The following RB1 variants were observed in gnomAD, a reference collection of about 807,000 sequenced individuals.
RB1 encodes RB transcriptional corepressor 1.
RB1 carries 18 observed loss-of-function variants against 135.4 expected under a neutral mutation model. That is an observed-to-expected ratio of 0.13 (90% CI 0.09 to 0.20). RB1 has a LOEUF of 0.20. Ranked by LOEUF, RB1 falls within the 10% of genes least tolerant of loss-of-function variation. The pLI is 1.00. For missense variants in RB1, 868 were observed against 1,110.0 expected (o/e 0.78, Z 3.10); for synonymous variants, 365 against 373.2 (o/e 0.98, Z 0.25).
At chr13:48,307,591 A>C (rs1052491879) in intron 2 of RB1, among the ~76,000 whole-genome samples, 185 bp downstream of exon 2, 4 of 151,822 alleles carry the variant, frequency 2.6e-5, no homozygotes, top group Non-Finnish European at 5.9e-5. Flanking sequence ...ACGGTGGTTC[A>C]TGCCTGTAAT....
chr13:48,465,168 A>T (rs1162503486), intron 22 of RB1, 37 bp from the exon 23 acceptor site: 1 of 1,613,600 alleles, frequency 6.2e-7, no homozygotes, highest in South Asian at 1.1e-5. Flanking sequence ...CCACCAAAAC[A>T]TTAAATAAAT....
intron 4 of RB1, 94 bp downstream of exon 4, chr13:48,345,293 TAGTA>T (rs1159014468): frequency 5.8e-6 from 8 of 1,378,694 alleles, no homozygotes; most frequent in Middle Eastern, 4.7e-4. Flanking sequence ...TTAGTAAAGT[TAGTA>T]AGTATTAATT....
intron 20 of RB1, 53 bp downstream of exon 20, chr13:48,459,886 A>ATTGAT (rs11405303): frequency 1.0e-6 from 1 of 987,324 alleles, no homozygotes; most frequent in East Asian, 3.7e-5. Context: ...TTGTTAACTG[A>ATTGAT]TTCTTTCTTT....
chr13:48,367,404 C>T, intron 9 of RB1, 90 bp from the exon 10 acceptor site: 7 of 1,398,008 alleles, frequency 5.0e-6, no homozygotes, highest in East Asian at 5.0e-5. Context: ...GTATATTATA[C>T]AAAAATTCTT....
chr13:48,356,940 A>G (rs1468350265), intron 6 of RB1, among the ~76,000 whole-genome samples: 1 of 152,016 alleles, frequency 6.6e-6, no homozygotes, highest in East Asian at 1.9e-4. Flanking sequence ...CCTCAGGACA[A>G]TATTTTCTGG....
rs1251503080 is a variant in RB1 at position 48,347,830 on chromosome 13, G to A, written c.506G>A (p.Cys169Tyr). The change falls in exon 5 of 27, where the codon TGT (cysteine) becomes TAT (tyrosine). Residue 169 changes from cysteine to tyrosine, a missense_variant. This residue lies in a region of RB1 where 641 missense variants were observed against 791.3 expected (regional missense o/e 0.81). Coordinates refer to ENST00000267163, the MANE Select transcript of RB1 (RefSeq NM_000321.3). ...CATAATGTTTTTCTTTTCAGGACAT[G>A]TGAACTTATATATTTGACACAACCC... is the stretch of plus-strand genomic sequence containing the variant. ...FALFSKLERTCELIYLTQPSS... is the reference protein window; with the variant it reads ...FALFSKLERTYELIYLTQPSS... 9.4e-6 allele frequency: 15 copies of A among 1,591,402 alleles called. No individual in the cohort carries two copies. The highest frequency in any genetic ancestry group is 8.6e-6 in the Non-Finnish European group (10 of 1,160,896).
At chr13:48,445,747 T>C (rs1949281820) in intron 17 of RB1, among the ~76,000 whole-genome samples, 1 of 152,168 alleles carries the variant, frequency 6.6e-6, no homozygotes, top group African/African-American at 2.4e-5. Flanking sequence ...GTGTGCCTCT[T>C]CTCACCAGAC....
intron 20 of RB1, among the ~76,000 whole-genome samples, chr13:48,460,227 C>T (rs906577286): frequency 1.3e-5 from 2 of 151,924 alleles, no homozygotes; most frequent in African/African-American, 4.8e-5. Flanking sequence ...CCTAAGGCCT[C>T]CCAAAGTGTT....
chr13:48,465,947 T>A (rs1282402791), intron 23 of RB1, among the ~76,000 whole-genome samples: 5 of 147,718 alleles, frequency 3.4e-5, no homozygotes, highest in South Asian at 2.3e-4. Flanking sequence ...CAGCAGTCTG[T>A]GATCAAACTG....
rs1593437266 is a variant in RB1, at chr13:48,347,816, T to C, written c.501-9T>C. 2.5e-6 allele frequency: 4 copies of C among 1,575,912 alleles called. No homozygotes were observed. The highest frequency in any genetic ancestry group is 3.5e-6 in the Non-Finnish European group (4 of 1,147,394). ...AAATGTTAAAAAGTCATAATGTTTTTCTTTTCAGGACATGTGAACTTATAT... is the reference window on the plus strand; with the variant it reads ...AAATGTTAAAAAGTCATAATGTTTTCCTTTTCAGGACATGTGAACTTATAT... On this transcript the variant is annotated splice_polypyrimidine_tract_variant and intron_variant, in intron 4 of 26. Coordinates refer to ENST00000267163, the MANE Select transcript of RB1 (RefSeq NM_000321.3).
rs912210738 is a variant in RB1 at position 48,415,272 on chromosome 13, CTTTTCT to C, written c.1695+33844_1695+33849del. ...TCATTCATCTATAGTTTTTTCTTTT[CTTTTCT>C]TTTTCTTTTTCTTTCTTTCTTTTTT... On this transcript the variant is annotated intron_variant, in intron 17 of 26. Transcript: ENST00000267163. Among the ~76,000 whole-genome samples the C allele has an allele frequency of 5.9e-5, 9 of 151,436 alleles. No homozygotes were observed. In the South Asian group the frequency reaches 1.3e-3, roughly 21 times the overall value.
At position 48,303,840 on chromosome 13, in the gene RB1, C is replaced by T. The variant is rs2138026578; in HGVS notation, c.-73C>T. ...GGGAGTCGGGAGAGGACGGGGCGTG[C>T]CCCGACGTGCGCGCGCGTCGTCCTC... On this transcript the variant is annotated 5_prime_UTR_variant, in exon 1 of 27. Transcript: ENST00000267163. The T allele has an allele frequency of 6.7e-7, 1 of 1,493,630 alleles. No individual in the cohort carries two copies. Among genetic ancestry groups the T allele is most frequent in the African/African-American group, 1.5e-5 (1 of 68,606 alleles). The allele number at this position is 1,493,630 out of a possible 1,614,324, so 92.5% of individuals were successfully genotyped here.
In RB1 at chr13:48,478,504, C is replaced by T. The variant is rs533674384; in HGVS notation, c.2713+1100C>T. On this transcript the variant is annotated intron_variant, in intron 26 of 26. Coordinates refer to ENST00000267163, the MANE Select transcript of RB1 (RefSeq NM_000321.3). The stretch of plus-strand genomic sequence containing the variant: ...GAAGACATATGGAAACATTTTGGAA[C>T]CCACAAATATGCACTTAAAAAGGAG... 1.6e-3 allele frequency among the ~76,000 whole-genome samples: 238 copies of T among 152,232 alleles called. 2 individuals carry two copies. The highest frequency in any genetic ancestry group is 5.4e-3 in the African/African-American group (225 of 41,532).
chr13:48,320,716 A>C (rs1443511556), intron 2 of RB1, among the ~76,000 whole-genome samples: 1 of 152,078 alleles, frequency 6.6e-6, no homozygotes, highest in Non-Finnish European at 1.5e-5. Context: ...CTGTAGTCCC[A>C]GCTACTCGTG....
chr13:48,379,564 G>T (rs755188599), intron 13 of RB1, 30 bp from the exon 14 acceptor site: 4 of 1,604,834 alleles, frequency 2.5e-6, no homozygotes, highest in Non-Finnish European at 3.4e-6. Context: ...AAAATAGCAG[G>T]CTCTTATTTT....
At position 48,307,516 on chromosome 13, in the gene RB1, A is replaced by G. The variant is rs192264078; in HGVS notation, c.264+110A>G. 6.9e-5 allele frequency: 81 copies of G among 1,174,588 alleles called. 1 individual carries two copies. In the East Asian group the frequency reaches 2.0e-3, roughly 28 times the overall value. 72.8% of individuals were successfully genotyped at this position (1,174,588 alleles called of 1,614,324 possible). On this transcript the variant is annotated intron_variant, in intron 2 of 26. Coordinates refer to ENST00000267163, the MANE Select transcript of RB1 (RefSeq NM_000321.3). Reference sequence around the variant, plus strand: ...GAAAAATATAAAGACAATAAAAGCTAATAATAATTCCATTACCCAGAGGAA... The same window carrying G: ...GAAAAATATAAAGACAATAAAAGCTGATAATAATTCCATTACCCAGAGGAA...
At chr13:48,426,769 ATGT>A (rs1949085411) in intron 17 of RB1, 1 of 151,916 alleles carries the variant, frequency 6.6e-6, no homozygotes, top group African/African-American at 2.4e-5. Context: ...TTTCTTACTG[ATGT>A]TGTGCTAGTT....
chr13:48,481,643 A>C lies in RB1; in HGVS notation c.*1572A>C, dbSNP rs1949539011. On this transcript the variant is annotated 3_prime_UTR_variant, in exon 27 of 27. Coordinates refer to ENST00000267163, the MANE Select transcript of RB1 (RefSeq NM_000321.3). Reference sequence around the variant, plus strand: ...TTTCTGCATGAATATCATACAAATCAGTTAGTTTTTAGGTCAAGGGCTTAC... The same window carrying C: ...TTTCTGCATGAATATCATACAAATCCGTTAGTTTTTAGGTCAAGGGCTTAC... The C allele has an allele frequency of 4.3e-6, 1 of 231,180 alleles. No homozygotes were observed. Among genetic ancestry groups the C allele is most frequent in the South Asian group, 1.8e-4 (1 of 5,506 alleles). 14.3% of individuals were successfully genotyped at this position (231,180 alleles called of 1,614,324 possible).
rs768140640 is a variant in RB1, at chr13:48,379,668, T to C, written c.1389+18T>C. On this transcript the variant is annotated intron_variant, in intron 14 of 26. Transcript: ENST00000267163. Reference sequence around the variant, plus strand: ...TTAAATCAGTAAGTTAAAAACAATATAAAAAAATTTCAGCCGGGCGCGGTG... The same window carrying C: ...TTAAATCAGTAAGTTAAAAACAATACAAAAAAATTTCAGCCGGGCGCGGTG... The C allele has an allele frequency of 1.9e-6, 3 of 1,607,062 alleles. No individual in the cohort carries two copies. Among genetic ancestry groups the C allele is most frequent in the Non-Finnish European group, 2.5e-6 (3 of 1,177,074 alleles).
Sources: allele counts gnomAD v4.1 joint callset (sites outside exome capture counted in the v4.1 genomes callset), GRCh38; gene constraint gnomAD v4.1.1; regional missense constraint gnomAD v4.1.1; transcripts MANE v1.5; gene names NCBI Gene and HGNC (gene_info 2026-07-23, HGNC 2026-07-21).